Variants in JHY observed in about 807,000 individuals in gnomAD.
JHY encodes junctional cadherin complex regulator.
In JHY, 69 loss-of-function variants were observed where a neutral mutation model predicts 78.0. The observed-to-expected ratio is 0.88, with a 90% confidence interval of 0.73 to 1.08. JHY has a LOEUF of 1.08. JHY is among the 50% of genes least tolerant of loss of function. JHY has a pLI of 0.00. For synonymous variants in JHY, 368 were observed against 342.6 expected (o/e 1.07, Z -0.82); for missense variants, 944 against 927.8 (o/e 1.02, Z -0.23).
chr11:122,912,984 AGG>A (rs1477925605), intron 3 of JHY, among the ~76,000 whole-genome samples: 1 of 152,146 alleles, frequency 6.6e-6, no homozygotes, highest in Admixed American at 6.5e-5. Flanking sequence ...CCCAGGGAAG[AGG>A]CCCTTCTAAC....
At chr11:122,940,821 C>CTCCT (rs5795359) in intron 5 of JHY, among the ~76,000 whole-genome samples, 4,930 of 150,170 alleles carry the variant, frequency 0.033, 178 homozygotes, top group African/African-American at 0.085. Flanking sequence ...CTTCCTTTTT[C>CTCCT]TCCTTCCTTC....
rs569038511 is a variant in JHY, at chr11:122,884,020, G to A, written c.-90+1048G>A. Among the ~76,000 whole-genome samples, 38 of 152,280 alleles carry A rather than the reference G, an allele frequency of 2.5e-4. No individual in the cohort carries two copies. In the South Asian group the frequency reaches 3.7e-3, roughly 15 times the overall value. On this transcript the variant is annotated intron_variant, in intron 1 of 8. Transcript: ENST00000227349. ...ACTTAAAATGTGTTAGTATTTGATA[G>A]ATTTGCTGCTTTCTTGGCACATCCT...
chr11:122,891,401 G>A (rs1862611397), intron 2 of JHY, among the ~76,000 whole-genome samples: 1 of 152,110 alleles, frequency 6.6e-6, no homozygotes, highest in South Asian at 2.1e-4. Flanking sequence ...AGCATTGACT[G>A]TAGTGAATAA....
chr11:122,933,795 T>C (rs1161421002), intron 4 of JHY, among the ~76,000 whole-genome samples: 2 of 152,208 alleles, frequency 1.3e-5, no homozygotes, highest in Non-Finnish European at 2.9e-5. Flanking sequence ...TTGTACTTGG[T>C]TTGTAAAGCA....
intron 3 of JHY, chr11:122,905,679 C>A: frequency 1.3e-6 from 1 of 771,264 alleles, no homozygotes; most frequent in Non-Finnish European, 1.6e-6. Flanking sequence ...ACCAGCCTGG[C>A]CAACATGGTG....
At chr11:122,906,684 T>C (rs1448838482) in intron 3 of JHY, among the ~76,000 whole-genome samples, 1 of 152,218 alleles carries the variant, frequency 6.6e-6, no homozygotes, top group Non-Finnish European at 1.5e-5. Flanking sequence ...AAATATTTAT[T>C]ATGAACTCTT....
chr11:122,959,392 C>T lies in JHY; in HGVS notation c.2284C>T (p.His762Tyr), dbSNP rs767468786. Residue 762 changes from histidine (H) to tyrosine (Y), a missense_variant, in exon 9 of 9, where the codon CAC becomes TAC. His to Tyr is a moderately conservative substitution (Grantham distance 83). Coordinates refer to ENST00000227349, the MANE Select transcript of JHY (RefSeq NM_024806.4). ...ACTGCTGGAAATACTGCAGAACAGACACGAAAGGGAAAAACAGGCTGTGGC... is the reference window on the plus strand; with the variant it reads ...ACTGCTGGAAATACTGCAGAACAGATACGAAAGGGAAAAACAGGCTGTGGC... Reference protein sequence around the residue: ...ISLLEILQNRHEREKQAVAAF... With the variant: ...ISLLEILQNRYEREKQAVAAF... The T allele has an allele frequency of 1.2e-6, 2 of 1,613,980 alleles. No homozygotes were observed. Among genetic ancestry groups the T allele is most frequent in the African/African-American group, 2.7e-5 (2 of 74,912 alleles).
rs1864338986 is a variant in JHY at position 122,962,664 on chromosome 11, G to C, written c.*3219G>C. Among the ~76,000 whole-genome samples the C allele has an allele frequency of 1.3e-5, 2 of 152,274 alleles. No homozygotes were observed. The highest frequency in any genetic ancestry group is 4.1e-4 in the South Asian group (2 of 4,826). Reference sequence around the variant, plus strand: ...TCGAACTTAATTTGGAAGAGAAAAAGAATGCATATAGAGACATTCATATTT... The same window carrying C: ...TCGAACTTAATTTGGAAGAGAAAAACAATGCATATAGAGACATTCATATTT... On this transcript the variant is annotated 3_prime_UTR_variant, in exon 9 of 9. Coordinates refer to ENST00000227349, the MANE Select transcript of JHY (RefSeq NM_024806.4).
intron 2 of JHY, among the ~76,000 whole-genome samples, chr11:122,895,993 G>GA (rs1862732886): frequency 6.6e-6 from 1 of 152,160 alleles, no homozygotes; most frequent in South Asian, 2.1e-4. Flanking sequence ...AGAAAGGAGA[G>GA]AAAGGGGATG....
chr11:122,915,543 C>T (rs909617651), intron 3 of JHY, among the ~76,000 whole-genome samples: 1 of 152,078 alleles, frequency 6.6e-6, no homozygotes, highest in African/African-American at 2.4e-5. Flanking sequence ...GACAGAGTCT[C>T]GCCCTGTCAT....
At chr11:122,957,923 A>G (rs1864227395) in intron 8 of JHY, among the ~76,000 whole-genome samples, 1 of 152,220 alleles carries the variant, frequency 6.6e-6, no homozygotes, top group Admixed American at 6.5e-5. Flanking sequence ...ACACATAAAA[A>G]TTAAATAATA....
intron 2 of JHY, among the ~76,000 whole-genome samples, chr11:122,886,716 A>C (rs1485378259): frequency 6.6e-6 from 1 of 152,186 alleles, no homozygotes; most frequent in Non-Finnish European, 1.5e-5. Context: ...CCAAAGTGCT[A>C]TGATTACAGG....
At chr11:122,948,231 G>A (rs537568915) in intron 6 of JHY, among the ~76,000 whole-genome samples, 243 of 151,732 alleles carry the variant, frequency 1.6e-3, no homozygotes, top group Non-Finnish European at 2.7e-3. Context: ...ATCACCTGAG[G>A]TCAGGAGTTC....
chr11:122,926,645 T>A (rs1863514476), intron 4 of JHY, among the ~76,000 whole-genome samples: 1 of 152,102 alleles, frequency 6.6e-6, no homozygotes, highest in African/African-American at 2.4e-5. Context: ...CCAGATGTGA[T>A]AGAGAGCCAG....
At chr11:122,902,672 C>G (rs750562499) in intron 2 of JHY, among the ~76,000 whole-genome samples, 10 of 152,118 alleles carry the variant, frequency 6.6e-5, no homozygotes, top group Non-Finnish European at 1.5e-4. Context: ...AAAGGGGGAG[C>G]AGGCCTCTTA....
intron 8 of JHY, chr11:122,958,956 A>C: frequency 2.0e-6 from 2 of 985,414 alleles, no homozygotes; most frequent in Non-Finnish European, 2.4e-6. Flanking sequence ...GACCAAACAC[A>C]TAAGAAGGAA....
intron 2 of JHY, among the ~76,000 whole-genome samples, chr11:122,894,099 T>G (rs945310061): frequency 1.2e-4 from 18 of 152,110 alleles, no homozygotes; most frequent in Admixed American, 1.2e-3. Context: ...GGCGGGAGGA[T>G]CATTTGAGGT....
At chr11:122,944,419 C>T (rs1346273387) in intron 5 of JHY, among the ~76,000 whole-genome samples, 1 of 152,088 alleles carries the variant, frequency 6.6e-6, no homozygotes, top group East Asian at 1.9e-4. Context: ...AACTCATGTA[C>T]TTAACTAGTC....
chr11:122,904,892 G>T (rs533359169), intron 3 of JHY, among the ~76,000 whole-genome samples: 1 of 152,296 alleles, frequency 6.6e-6, no homozygotes, highest in African/African-American at 2.4e-5. Flanking sequence ...TTTCAACCCT[G>T]TTAAATGCCC....
Sources: gnomAD v4.1 joint callset for allele counts (sites outside exome capture counted in the v4.1 genomes callset) on GRCh38, gnomAD v4.1.1 for gene constraint, MANE v1.5 for transcripts, NCBI Gene and HGNC (gene_info 2026-07-23, HGNC 2026-07-21) for gene names.